NLRC3: variants seen among roughly 807,000 people sequenced by gnomAD.
The protein encoded by NLRC3 is NLR family CARD domain-containing protein 3.
A neutral mutation model predicts 91.6 loss-of-function variants in NLRC3; 87 were observed. The observed-to-expected ratio is 0.95, with a 90% CI of 0.80 to 1.14. NLRC3 has a LOEUF of 1.14. Among genes scored for constraint, NLRC3 ranks in the 50% most tolerant of loss-of-function variants. The pLI, the probability that NLRC3 is intolerant of heterozygous loss-of-function variation, is 0.00. For synonymous variants in NLRC3, 694 were observed against 625.3 expected, an observed-to-expected ratio of 1.11 and a Z score of -1.64; for missense variants, 1,577 against 1,418.6, an observed-to-expected ratio of 1.11 and a Z score of -1.79.
intron 1 of NLRC3, among the ~76,000 whole-genome samples, chr16:3,570,391 T>A (rs1228134138): frequency 1.3e-5 from 2 of 152,240 alleles, no homozygotes; most frequent in Admixed American, 1.3e-4. Context: ...ATGGAGAGCC[T>A]GTTGTATGTT....
chr16:3,569,331 C>A (rs1405963924), intron 1 of NLRC3, among the ~76,000 whole-genome samples: 1 of 132,856 alleles, frequency 7.5e-6, no homozygotes, highest in Non-Finnish European at 1.6e-5. Flanking sequence ...AAAAAAAATT[C>A]TTCAGCAAGA....
chr16:3,557,747 G>T, intron 6 of NLRC3, 71 bp from the exon 7 acceptor site: 1 of 950,068 alleles, frequency 1.1e-6, no homozygotes, highest in Non-Finnish European at 1.7e-6. Context: ...TCAACGCTGT[G>T]CCCGTGATTA....
chr16:3,565,941 A>G (rs2039863930), intron 2 of NLRC3, among the ~76,000 whole-genome samples: 1 of 151,328 alleles, frequency 6.6e-6, no homozygotes, highest in Admixed American at 6.6e-5. Context: ...TTGGGAGGCC[A>G]AGGCAGCAGG....
At chr16:3,542,097 G>C (rs749770046) in intron 19 of NLRC3, 94 bp downstream of exon 19, 4 of 947,284 alleles carry the variant, frequency 4.2e-6, no homozygotes, top group Non-Finnish European at 6.7e-6. Context: ...CTGCTGAAGC[G>C]TCTGGGGGTC....
chr16:3,543,808 C>A (rs940057168), intron 16 of NLRC3: 1 of 414,872 alleles, frequency 2.4e-6, no homozygotes, highest in South Asian at 3.2e-5. Flanking sequence ...CTGCTAATAT[C>A]ATATTTCCTA....
Position 3,563,406 on chromosome 16 carries a change from C to T in NLRC3, c.1531G>A (p.Asp511Asn). ...RAMQAEDGRL[D>N]VFLRFLSGLL... ...CCGGAGAGGAAGCGCAGGAACACGT[C>T]CAGCCTCCCGTCCTCTGCCTGCATG... Residue 511 changes from aspartate to asparagine, a missense_variant, in exon 5 of 20, where the codon GAC (aspartate) becomes AAC (asparagine). Asp to Asn is a conservative substitution (Grantham distance 23). Transcript: ENST00000359128. 1.3e-6 allele frequency: 2 copies of T among 1,577,516 alleles called. No individual in the cohort carries two copies. The highest frequency in any genetic ancestry group is 8.6e-7 in the Non-Finnish European group (1 of 1,162,224).
chr16:3,570,632 G>T (rs567585235), intron 1 of NLRC3, among the ~76,000 whole-genome samples: 1 of 152,172 alleles, frequency 6.6e-6, no homozygotes, highest in South Asian at 2.1e-4. Flanking sequence ...GCTGTGAGAG[G>T]CCTCTGAGAA....
At position 3,569,380 on chromosome 16, in the gene NLRC3, A is replaced by ATC. The variant is rs1451286051; in HGVS notation, c.-168-2057_-168-2056insGA. Among the ~76,000 whole-genome samples the ATC allele has an allele frequency of 1.1e-3, 115 of 102,978 alleles. 1 individual carries two copies. The highest frequency in any genetic ancestry group is 4.9e-3 in the African/African-American group (111 of 22,480). 67.6% of individuals were successfully genotyped at this position (102,978 alleles called of 152,430 possible). ...CTTTATTTCTGAAAACCATATATAT[A>ATC]TATATATATATATATTATTTTTTTT... is the stretch of plus-strand genomic sequence containing the variant. On this transcript the variant is annotated intron_variant, in intron 1 of 19. Coordinates refer to ENST00000359128, the MANE Select transcript of NLRC3 (RefSeq NM_178844.4).
rs1042603434 is a variant in NLRC3 at position 3,577,386 on chromosome 16, G to T, written c.-406C>A. 3.5e-6 allele frequency: 2 copies of T among 569,852 alleles called. No individual in the cohort carries two copies. Among genetic ancestry groups the T allele is most frequent in the Admixed American group, 3.2e-5 (1 of 31,368 alleles). The allele number at this position is 569,852 out of a possible 1,614,324, so 35.3% of individuals were successfully genotyped here. A position where few individuals can be genotyped will look rare whatever the true frequency, so the allele number is the denominator to read the frequency against. ...CTTCTGCAGCCCCACCGAGCCCACC[G>T]GCTGTCCCTGTGGCTCCGGGTCCTC... On this transcript the variant is annotated 5_prime_UTR_variant, in exon 1 of 20. Transcript: ENST00000359128.
At chr16:3,555,319 A>G (rs182214194) in intron 8 of NLRC3, among the ~76,000 whole-genome samples, 3 of 152,278 alleles carry the variant, frequency 2.0e-5, no homozygotes, top group Admixed American at 1.3e-4. Flanking sequence ...ATCATGCTCA[A>G]TGAGGAAAGC....
intron 5 of NLRC3, 106 bp downstream of exon 5, chr16:3,562,903 C>T (rs577577828): frequency 1.7e-5 from 18 of 1,037,416 alleles, no homozygotes; most frequent in East Asian, 5.2e-5. Flanking sequence ...TCCTCTGTTA[C>T]GGCAGCCCTA....
intron 16 of NLRC3, 52 bp downstream of exon 16, chr16:3,544,194 A>G: frequency 8.9e-7 from 1 of 1,127,196 alleles, no homozygotes; most frequent in Non-Finnish European, 1.3e-6. Flanking sequence ...TCTAACGTGA[A>G]AGGATGGCGA....
intron 6 of NLRC3, among the ~76,000 whole-genome samples, chr16:3,560,289 G>A (rs1422038806): frequency 6.6e-6 from 1 of 152,100 alleles, no homozygotes; most frequent in East Asian, 1.9e-4. Flanking sequence ...TGGGTGTGGT[G>A]GCATGCGCCT....
At chr16:3,550,054 G>T (rs2038913316) in intron 11 of NLRC3, among the ~76,000 whole-genome samples, 1 of 152,208 alleles carries the variant, frequency 6.6e-6, no homozygotes. Flanking sequence ...TCAGAGCAGG[G>T]TGTGTTGGGT....
At chr16:3,551,171 G>C (rs1371924534) in intron 10 of NLRC3, among the ~76,000 whole-genome samples, 2 of 146,226 alleles carry the variant, frequency 1.4e-5, no homozygotes, top group African/African-American at 5.1e-5. Flanking sequence ...AATTCATTCA[G>C]CCATGCCTCC....
intron 19 of NLRC3, 90 bp downstream of exon 19, chr16:3,542,101 G>A (rs1038188272): frequency 6.2e-6 from 6 of 972,138 alleles, no homozygotes; most frequent in Admixed American, 2.0e-5. Context: ...TGAAGCGTCT[G>A]GGGGTCAGCT....
chr16:3,564,730 G>A lies in NLRC3; in HGVS notation c.207C>T (p.Ala69=). ...GGCCACCTCCCACCTTGCTCAGCAGGGCCTTGCGGTGCCTCTGTATCCTTG... is the reference window on the plus strand; with the variant it reads ...GGCCACCTCCCACCTTGCTCAGCAGAGCCTTGCGGTGCCTCTGTATCCTTG... ...NDSRIQRHRK[A]LLSKVGGGPE... is the part of the protein sequence containing the mutation. Residue 69 remains alanine (A), a synonymous_variant, in exon 5 of 20, where the codon GCC becomes GCT. Transcript: ENST00000359128. This position sits in a 1 kb window ranked among gnomAD's most constrained non-coding sequence, Gnocchi z 5.9. 6.3e-7 allele frequency: 1 copy of A among 1,590,398 alleles called. No homozygotes were observed. Among genetic ancestry groups the A allele is most frequent in the Non-Finnish European group, 8.5e-7 (1 of 1,174,110 alleles).
intron 1 of NLRC3, among the ~76,000 whole-genome samples, chr16:3,574,007 CTTTTTTTTTTTTTTTTTTT>C (rs35126359): frequency 9.9e-5 from 4 of 40,398 alleles, no homozygotes; most frequent in South Asian, 1.3e-3. Flanking sequence ...ACCATTTTAT[CTTTTTTTTTTTTTTTTTTT>C]TTTTTTTTTT....
At chr16:3,560,687 A>G (rs1460271932) in intron 6 of NLRC3, among the ~76,000 whole-genome samples, 1 of 152,112 alleles carries the variant, frequency 6.6e-6, no homozygotes, top group Non-Finnish European at 1.5e-5. Flanking sequence ...TCTGTCACCC[A>G]GACTGGAGTG....
Sources: gnomAD v4.1 joint callset for allele counts (sites outside exome capture counted in the v4.1 genomes callset) on GRCh38, gnomAD v4.1.1 for gene constraint, Gnocchi (gnomAD v3.1) non-coding constraint, MANE v1.5 for transcripts, NCBI Gene and HGNC (gene_info 2026-07-23, HGNC 2026-07-21) for gene names.